Variants in TCF12 observed in about 807,000 individuals in gnomAD.
TCF12 encodes transcription factor 12.
Under a neutral mutation model 86.0 loss-of-function variants are expected in TCF12, and 45 were observed. The observed-to-expected ratio is 0.52, with a 90% CI of 0.41 to 0.67. TCF12 has a LOEUF of 0.67. Ranked by LOEUF, TCF12 falls within the 30% of genes least tolerant of loss-of-function variation. The pLI is 0.00. For synonymous variants in TCF12, 330 were observed against 299.6 expected (o/e 1.10, Z -1.05); for missense variants, 881 against 859.9 (o/e 1.02, Z -0.31).
chr15:56,938,719 C>G (rs2060596228), intron 3 of TCF12, among the ~76,000 whole-genome samples: 1 of 151,506 alleles, frequency 6.6e-6, no homozygotes, highest in East Asian at 1.9e-4. Context: ...TTAGGGCCCC[C>G]CTTCATGACA....
At chr15:57,167,312 A>G (rs1260224257) in intron 6 of TCF12, among the ~76,000 whole-genome samples, 3 of 152,170 alleles carry the variant, frequency 2.0e-5, no homozygotes, top group Non-Finnish European at 2.9e-5. Context: ...TGTAATCCCA[A>G]TACTTTGGGA....
At chr15:57,228,081 A>G (rs1479729747) in intron 8 of TCF12, among the ~76,000 whole-genome samples, 1 of 152,026 alleles carries the variant, frequency 6.6e-6, no homozygotes, top group Non-Finnish European at 1.5e-5. Context: ...ATTTGTGGCC[A>G]GTACTGATTG....
chr15:57,159,835 G>A (rs2054370960), intron 5 of TCF12, among the ~76,000 whole-genome samples: 1 of 152,184 alleles, frequency 6.6e-6, no homozygotes, highest in African/African-American at 2.4e-5. Context: ...CATACAAATA[G>A]AGAAGCTATT....
At chr15:57,046,690 A>C (rs530767957) in intron 3 of TCF12, among the ~76,000 whole-genome samples, 1 of 152,268 alleles carries the variant, frequency 6.6e-6, no homozygotes, top group African/African-American at 2.4e-5. Context: ...TCCTGACCTC[A>C]AGTGATCCAC....
intron 8 of TCF12, 44 bp from the exon 9 acceptor site, chr15:57,231,108 G>C (rs2059118539): frequency 4.9e-6 from 7 of 1,438,728 alleles, no homozygotes; most frequent in Non-Finnish European, 6.8e-6. Context: ...TAAGTAATAT[G>C]ATAGTCATTT....
intron 3 of TCF12, among the ~76,000 whole-genome samples, chr15:57,017,380 G>T (rs2065213474): frequency 1.3e-5 from 2 of 152,182 alleles, no homozygotes; most frequent in African/African-American, 4.8e-5. Context: ...CTTATTTCTT[G>T]TAAATGAAGA....
At chr15:56,942,910 T>A (rs1322053898) in intron 3 of TCF12, among the ~76,000 whole-genome samples, 1 of 152,182 alleles carries the variant, frequency 6.6e-6, no homozygotes, top group Non-Finnish European at 1.5e-5. Flanking sequence ...GGGAAGAAAG[T>A]GTCAAATTTA....
intron 19 of TCF12, among the ~76,000 whole-genome samples, chr15:57,279,636 T>G (rs1364633002): frequency 1.3e-5 from 2 of 152,178 alleles, no homozygotes; most frequent in Non-Finnish European, 2.9e-5. Context: ...ACCTGAAAGA[T>G]CTTGCCTAAT....
At position 57,273,092 on chromosome 15, in the gene TCF12, G is replaced by A. The variant is rs1349009265; in HGVS notation, c.1808G>A (p.Arg603Gln). Reference sequence around the variant, plus strand: ...AAGATAGAAAGGGAGAAGGAGAGGCGGATGGCTAACAATGCCAGAGAACGC... The same window carrying A: ...AAGATAGAAAGGGAGAAGGAGAGGCAGATGGCTAACAATGCCAGAGAACGC... ...EQKIEREKER[R>Q]MANNARERLR... Residue 603 changes from arginine to glutamine, a missense_variant, in exon 19 of 21, where the codon CGG becomes CAG. Physicochemically the swap from Arg to Gln is conservative, Grantham distance 43 (BLOSUM62 1). Transcript: ENST00000333725. 1.2e-6 allele frequency: 2 copies of A among 1,614,190 alleles called. No homozygotes were observed. The highest frequency in any genetic ancestry group is 1.7e-6 in the Non-Finnish European group (2 of 1,180,026).
chr15:56,969,648 C>T (rs1479063975), intron 3 of TCF12, among the ~76,000 whole-genome samples: 6 of 151,732 alleles, frequency 4.0e-5, no homozygotes, highest in African/African-American at 1.5e-4. Context: ...AGCAATCCTC[C>T]CACCTCGGCC....
At chr15:57,154,995 CA>C (rs1287549636) in intron 5 of TCF12, among the ~76,000 whole-genome samples, 1 of 152,124 alleles carries the variant, frequency 6.6e-6, no homozygotes, top group Non-Finnish European at 1.5e-5. Context: ...TTTATCCTCA[CA>C]AAAAACCCAG....
intron 3 of TCF12, among the ~76,000 whole-genome samples, chr15:56,969,535 A>T (rs74351248): frequency 7.7e-6 from 1 of 130,022 alleles, no homozygotes; most frequent in African/African-American, 3.0e-5. Flanking sequence ...CCAGTTGGAG[A>T]TTTTTTTTTT....
chr15:56,948,748 T>C (rs2061127960), intron 3 of TCF12, among the ~76,000 whole-genome samples: 1 of 152,160 alleles, frequency 6.6e-6, no homozygotes, highest in South Asian at 2.1e-4. Context: ...TGTAGGAACA[T>C]CAAAATGTAT....
At chr15:57,230,298 T>G (rs2059076017) in intron 8 of TCF12, among the ~76,000 whole-genome samples, 1 of 152,012 alleles carries the variant, frequency 6.6e-6, no homozygotes, top group South Asian at 2.1e-4. Context: ...ATAGCTTACC[T>G]TTCTCTTCTT....
intron 16 of TCF12, among the ~76,000 whole-genome samples, chr15:57,260,801 C>A (rs561510946): frequency 3.3e-5 from 5 of 152,234 alleles, no homozygotes; most frequent in African/African-American, 7.2e-5. Flanking sequence ...TAAGAAAGCA[C>A]CCTCATTCGT....
chr15:57,153,041 A>C, intron 5 of TCF12, among the ~76,000 whole-genome samples: 1 of 152,240 alleles, frequency 6.6e-6, no homozygotes, highest in East Asian at 1.9e-4. Flanking sequence ...TGATATCTCT[A>C]ATGTATTACA....
intron 3 of TCF12, among the ~76,000 whole-genome samples, chr15:56,961,141 AAAAAT>A (rs1201854475): frequency 2.7e-4 from 41 of 152,120 alleles, no homozygotes; most frequent in African/African-American, 9.9e-4. Context: ...AAAAAAAAAA[AAAAAT>A]CAGTTCATTA....
chr15:57,123,637 A>G (rs1352283339), intron 5 of TCF12, among the ~76,000 whole-genome samples: 1 of 151,466 alleles, frequency 6.6e-6, no homozygotes, highest in African/African-American at 2.4e-5. Flanking sequence ...GAGCACCACT[A>G]CACTCAGCTA....
At chr15:57,024,906 C>A (rs577334805) in intron 3 of TCF12, among the ~76,000 whole-genome samples, 1 of 152,268 alleles carries the variant, frequency 6.6e-6, no homozygotes, top group East Asian at 1.9e-4. Flanking sequence ...GTAAATCCTA[C>A]ATTAAAATGT....
Sources: gnomAD v4.1 joint callset for allele counts (sites outside exome capture counted in the v4.1 genomes callset) on GRCh38, gnomAD v4.1.1 for gene constraint, MANE v1.5 for transcripts, NCBI Gene and HGNC (gene_info 2026-07-23, HGNC 2026-07-21) for gene names.